The following TUBGCP3 variants were observed in gnomAD, a reference collection of about 807,000 sequenced individuals.
TUBGCP3 encodes tubulin gamma complex component 3, also known as gamma-tubulin complex component 3.
TUBGCP3 carries 50 observed loss-of-function variants against 123.1 expected under a neutral mutation model. The observed-to-expected ratio is 0.41, with a 90% CI of 0.32 to 0.51. The LOEUF (loss-of-function observed/expected upper bound fraction) is 0.51. Among genes scored for constraint, TUBGCP3 ranks in the 20% least tolerant of loss-of-function variants. TUBGCP3 has a pLI of 0.36. For synonymous variants in TUBGCP3, 405 were observed against 413.9 expected (o/e 0.98, Z 0.26); for missense variants, 882 against 1,127.0 (o/e 0.78, Z 3.11).
At position 112,518,979 on chromosome 13, in the gene TUBGCP3, G is replaced by A. The variant is rs993450279; in HGVS notation, c.1946C>T (p.Ala649Val). The A allele has an allele frequency of 2.5e-6, 4 of 1,612,306 alleles. No individual in the cohort carries two copies. Among genetic ancestry groups the A allele is most frequent in the Admixed American group, 1.7e-5 (1 of 59,990 alleles). The change falls in exon 16 of 22, where the codon GCA becomes GTA. Residue 649 changes from alanine (A) to valine (V), a missense_variant. Around this residue, in one of 3 missense-constraint regions of TUBGCP3, gnomAD observed 713 missense variants for 874.0 expected, o/e 0.82. Transcript: ENST00000261965. ...AATGATGCAGGATAATCTTACAGTT[G>A]CAATTGGTCCGTCAACATGATAATC... is the stretch of plus-strand genomic sequence containing the variant. ...SLDYHVDGPI[A>V]TVFTRECMSH...
At chr13:112,527,798 G>C (rs1877256010) in intron 11 of TUBGCP3, among the ~76,000 whole-genome samples, 1 of 152,192 alleles carries the variant, frequency 6.6e-6, no homozygotes, top group Non-Finnish European at 1.5e-5. Flanking sequence ...CTCAGTAACG[G>C]TGCAGGCTTT....
At chr13:112,491,341 T>C (rs1880091754) in intron 20 of TUBGCP3, among the ~76,000 whole-genome samples, 1 of 152,226 alleles carries the variant, frequency 6.6e-6, no homozygotes, top group African/African-American at 2.4e-5. Context: ...ACTGAAATAT[T>C]CTTCTAAAAT....
At position 112,493,218 on chromosome 13, in the gene TUBGCP3, G is replaced by A. The variant is rs570559355; in HGVS notation, c.2449-3521C>T. Among the ~76,000 whole-genome samples, 10 of 124,582 alleles carry A rather than the reference G, an allele frequency of 8.0e-5. No individual in the cohort carries two copies. The East Asian group carries it at 2.5e-3, about 31-fold the overall frequency. 81.7% of individuals were successfully genotyped at this position (124,582 alleles called of 152,430 possible). ...GCTCTAGCTCTGGGAACGGGGGCTG[G>A]TGGCCTGAGACACTCTAGCTTTGGG... On this transcript the variant is annotated intron_variant, in intron 20 of 21. Transcript: ENST00000261965.
intron 11 of TUBGCP3, chr13:112,544,540 G>A (rs928878259): frequency 1.3e-5 from 2 of 150,636 alleles, no homozygotes; most frequent in Non-Finnish European, 2.9e-5. Flanking sequence ...TCATAAATAC[G>A]TGCAGGGAGA....
the TUBGCP3 span, chr13:112,603,983 AAC>A: frequency 6.6e-6 from 1 of 152,232 alleles, no homozygotes; most frequent in Non-Finnish European, 1.5e-5. Flanking sequence ...CAAGAGCTAG[AAC>A]AGAGACTGCA....
intron 1 of TUBGCP3, among the ~76,000 whole-genome samples, chr13:112,577,498 A>G (rs1023202385): frequency 3.3e-5 from 5 of 152,256 alleles, no homozygotes; most frequent in Non-Finnish European, 5.9e-5. Context: ...GAAATTGTCA[A>G]TGTCAAGAGA....
chr13:112,602,099 C>T, the TUBGCP3 span, among the ~76,000 whole-genome samples: 1 of 152,152 alleles, frequency 6.6e-6, no homozygotes, highest in Admixed American at 6.6e-5. Flanking sequence ...AGTTCATGGT[C>T]GGGGGAGACC....
At chr13:112,517,828 TTGCAG>T (rs1453939722) in intron 16 of TUBGCP3, among the ~76,000 whole-genome samples, 1 of 152,090 alleles carries the variant, frequency 6.6e-6, no homozygotes, top group Non-Finnish European at 1.5e-5. Flanking sequence ...GAGGTGAAGG[TTGCAG>T]TGACCCAAGA....
chr13:112,545,586 C>A lies in TUBGCP3; in HGVS notation c.1335+113G>T. Reference sequence around the variant, plus strand: ...ATGTATATGGTATTCAATGGAAGTGCAGTTGCATTCCTGTTAGGAGAACAT... The same window carrying A: ...ATGTATATGGTATTCAATGGAAGTGAAGTTGCATTCCTGTTAGGAGAACAT... On this transcript the variant is annotated intron_variant, in intron 11 of 21. Transcript: ENST00000261965. This position sits in a 1 kb window ranked among gnomAD's most constrained non-coding sequence, Gnocchi z 4.1. The A allele has an allele frequency of 8.3e-7, 1 of 1,200,784 alleles. No individual in the cohort carries two copies. Among genetic ancestry groups the A allele is most frequent in the Non-Finnish European group, 1.2e-6 (1 of 830,242 alleles). The allele number at this position is 1,200,784 out of a possible 1,614,324, so 74.4% of individuals were successfully genotyped here.
chr13:112,547,554 TGGGAAAGTCGC>T (rs780588044), intron 10 of TUBGCP3, 55 bp downstream of exon 10: 6 of 1,249,646 alleles, frequency 4.8e-6, no homozygotes, highest in African/African-American at 2.8e-5. Flanking sequence ...AAGTCGCGCG[TGGGAAAGTCGC>T]GCGTGGGAAA....
chr13:112,514,010 AC>A (rs1167105432), intron 17 of TUBGCP3, among the ~76,000 whole-genome samples: 1 of 151,720 alleles, frequency 6.6e-6, no homozygotes, highest in Non-Finnish European at 1.5e-5. Context: ...GGCGTATCCA[AC>A]CCCCCGGTTA....
intron 2 of TUBGCP3, among the ~76,000 whole-genome samples, chr13:112,568,015 G>C (rs1881097860): frequency 6.6e-6 from 1 of 151,218 alleles, no homozygotes; most frequent in African/African-American, 2.5e-5. Flanking sequence ...TTACTACTGA[G>C]ACCCAAGGCC....
intron 2 of TUBGCP3, among the ~76,000 whole-genome samples, chr13:112,566,868 C>G (rs1880988411): frequency 6.6e-6 from 1 of 152,204 alleles, no homozygotes; most frequent in African/African-American, 2.4e-5. Flanking sequence ...AATGTTTTGT[C>G]ACACATGATG....
At chr13:112,551,164 A>G (rs1019165144) in intron 8 of TUBGCP3, among the ~76,000 whole-genome samples, 3 of 152,240 alleles carry the variant, frequency 2.0e-5, no homozygotes, top group Non-Finnish European at 2.9e-5. Flanking sequence ...TGTAGAATCT[A>G]AGTATTTATA....
chr13:112,574,566 A>C (rs1238279888), intron 1 of TUBGCP3, among the ~76,000 whole-genome samples: 1 of 152,264 alleles, frequency 6.6e-6, no homozygotes, highest in Admixed American at 6.5e-5. Flanking sequence ...CAGAAACTGA[A>C]GAATCCCTGA....
At chr13:112,499,290 T>G in intron 19 of TUBGCP3, 105 bp from the exon 20 acceptor site, 4 of 1,376,258 alleles carry the variant, frequency 2.9e-6, no homozygotes, top group Non-Finnish European at 2.9e-6. Flanking sequence ...AGATATCAAC[T>G]GAAATTCCCA....
At position 112,504,768 on chromosome 13, in the gene TUBGCP3, C is replaced by T. The variant is rs920760337; in HGVS notation, c.2087-54G>A. On this transcript the variant is annotated intron_variant, in intron 17 of 21. Transcript: ENST00000261965. The stretch of plus-strand genomic sequence containing the variant: ...GCAATGCAAGTACACTTACCGACAA[C>T]GCGCTGTTCTCCCTTACCCACCTGC... 100 of 1,420,076 alleles carry T rather than the reference C, an allele frequency of 7.0e-5. No homozygotes were observed. The African/African-American group carries it at 1.1e-3, about 15-fold the overall frequency. The allele number at this position is 1,420,076 out of a possible 1,614,324, so 88.0% of individuals were successfully genotyped here.
chr13:112,494,415 C>G (rs931290482), intron 20 of TUBGCP3, among the ~76,000 whole-genome samples: 7 of 152,174 alleles, frequency 4.6e-5, no homozygotes, highest in African/African-American at 1.7e-4. Context: ...AACATCTAAA[C>G]TTAGTATAGT....
At chr13:112,551,915 T>C (rs1879622815) in intron 8 of TUBGCP3, among the ~76,000 whole-genome samples, 1 of 152,112 alleles carries the variant, frequency 6.6e-6, no homozygotes, top group East Asian at 1.9e-4. Flanking sequence ...GATAAAACTG[T>C]TCCCACCTCA....
Sources: gnomAD v4.1 joint callset for allele counts (sites outside exome capture counted in the v4.1 genomes callset) on GRCh38, gnomAD v4.1.1 for gene constraint, gnomAD v4.1.1 regional missense constraint, Gnocchi (gnomAD v3.1) non-coding constraint, MANE v1.5 for transcripts, NCBI Gene and HGNC (gene_info 2026-07-23, HGNC 2026-07-21) for gene names.